Variants in RPAP3 observed in about 807,000 individuals in gnomAD.
The protein encoded by RPAP3 is RNA polymerase II-associated protein 3.
Under a neutral mutation model 88.8 loss-of-function variants are expected in RPAP3, and 58 were observed. The observed-to-expected ratio is 0.65, with a 90% CI of 0.53 to 0.81. The LOEUF (loss-of-function observed/expected upper bound fraction) is 0.81. RPAP3 is among the 40% of genes least tolerant of loss of function. RPAP3 has a pLI of 0.00. For missense variants in RPAP3, 751 were observed against 764.3 expected (o/e 0.98, Z 0.20); for synonymous variants, 255 against 259.9 (o/e 0.98, Z 0.18).
At chr12:47,672,316 C>G (rs886864931) in intron 12 of RPAP3, among the ~76,000 whole-genome samples, 2 of 152,180 alleles carry the variant, frequency 1.3e-5, no homozygotes, top group Non-Finnish European at 2.9e-5. Context: ...GAGACTCATT[C>G]TCTTCTCTAC....
At chr12:47,700,437 T>C (rs1939634141) in intron 3 of RPAP3, among the ~76,000 whole-genome samples, 1 of 152,218 alleles carries the variant, frequency 6.6e-6, no homozygotes, top group Admixed American at 6.5e-5. Context: ...CATCTCTACA[T>C]ATTCTTTGGT....
intron 16 of RPAP3, among the ~76,000 whole-genome samples, chr12:47,666,644 G>C (rs1307805471): frequency 6.6e-6 from 1 of 152,100 alleles, no homozygotes; most frequent in Non-Finnish European, 1.5e-5. Context: ...CTATGGAGTT[G>C]GACTGCCTGG....
intron 12 of RPAP3, among the ~76,000 whole-genome samples, chr12:47,678,233 T>C: frequency 6.6e-6 from 1 of 152,146 alleles, no homozygotes; most frequent in Non-Finnish European, 1.5e-5. Context: ...CCTTACACCT[T>C]ATACAAAAAT....
chr12:47,696,131 G>T, intron 5 of RPAP3, 145 bp downstream of exon 5: 4 of 613,250 alleles, frequency 6.5e-6, no homozygotes, highest in Non-Finnish European at 9.9e-6. Flanking sequence ...CAATAAAAAG[G>T]AGTGAGCTAT....
chr12:47,698,234 T>C (rs1301951035), intron 3 of RPAP3, among the ~76,000 whole-genome samples: 1 of 152,126 alleles, frequency 6.6e-6, no homozygotes, highest in Non-Finnish European at 1.5e-5. Flanking sequence ...TTGAGGGAAC[T>C]GAAATGCAGA....
chr12:47,691,714 C>T (rs768768648), intron 5 of RPAP3, among the ~76,000 whole-genome samples: 13 of 152,120 alleles, frequency 8.5e-5, no homozygotes, highest in East Asian at 3.9e-4. Flanking sequence ...TGAGTAGGTG[C>T]GCTGTCAGTA....
chr12:47,663,353 T>C lies in RPAP3; in HGVS notation c.*152A>G. 1.9e-6 allele frequency: 1 copy of C among 539,448 alleles called. No homozygotes were observed. The highest frequency in any genetic ancestry group is 3.2e-6 in the Non-Finnish European group (1 of 309,852). 33.4% of individuals were successfully genotyped at this position (539,448 alleles called of 1,614,324 possible). A position where few individuals can be genotyped will look rare whatever the true frequency, so the allele number is the denominator to read the frequency against. ...TTCACTTGAATACAATTCTCACTAGTTAAATCACAATTCACCTTATAGTTA... is the reference window on the plus strand; with the variant it reads ...TTCACTTGAATACAATTCTCACTAGCTAAATCACAATTCACCTTATAGTTA... On this transcript the variant is annotated 3_prime_UTR_variant, in exon 17 of 17. Coordinates refer to ENST00000005386, the MANE Select transcript of RPAP3 (RefSeq NM_024604.3).
chr12:47,701,492 T>C lies in RPAP3; in HGVS notation c.266A>G (p.Asp89Gly). ...ATCAAGTTTTGCCCATGCCTCATAA[T>C]CATAAGATTTTATCCTGTTTTTTGT... ...ENTKNRIKSYDYEAWAKLDVD... is the reference protein window; with the variant it reads ...ENTKNRIKSYGYEAWAKLDVD... Residue 89 changes from aspartate (D) to glycine (G), a missense_variant, in exon 3 of 17, where the codon GAT becomes GGT. By Grantham distance (94) the Asp-to-Gly change is moderately conservative. Coordinates refer to ENST00000005386, the MANE Select transcript of RPAP3 (RefSeq NM_024604.3). 1 of 1,592,656 alleles carries C rather than the reference T, an allele frequency of 6.3e-7. No individual in the cohort carries two copies. Among genetic ancestry groups the C allele is most frequent in the African/African-American group, 1.4e-5 (1 of 73,982 alleles).
intron 16 of RPAP3, among the ~76,000 whole-genome samples, chr12:47,665,190 T>C (rs1475938966): frequency 6.6e-6 from 1 of 151,736 alleles, no homozygotes; most frequent in African/African-American, 2.4e-5. Flanking sequence ...CCTCCTGGAT[T>C]CAAGCGATTG....
intron 8 of RPAP3, among the ~76,000 whole-genome samples, chr12:47,687,108 G>T (rs1939342116): frequency 6.6e-6 from 1 of 152,010 alleles, no homozygotes; most frequent in South Asian, 2.1e-4. Flanking sequence ...TCTCTTTTCA[G>T]TACTAAAAAG....
intron 16 of RPAP3, chr12:47,664,706 G>A (rs780279050): frequency 2.6e-5 from 4 of 152,174 alleles, no homozygotes; most frequent in Admixed American, 6.5e-5. Flanking sequence ...CTGCATTCTC[G>A]GATACCTTGA....
chr12:47,690,848 G>C (rs1227224487), intron 5 of RPAP3, among the ~76,000 whole-genome samples: 1 of 152,166 alleles, frequency 6.6e-6, no homozygotes, highest in Admixed American at 6.5e-5. Context: ...ACCACCACAA[G>C]AAAGTAAATG....
Position 47,686,845 on chromosome 12 carries a change from T to G in RPAP3, c.927A>C (p.Ile309=). 6.2e-7 allele frequency: 1 copy of G among 1,606,934 alleles called. No homozygotes were observed. Among genetic ancestry groups the G allele is most frequent in the Non-Finnish European group, 8.5e-7 (1 of 1,175,574 alleles). The change falls in exon 9 of 17, where the codon ATA becomes ATC. Residue 309 remains isoleucine (I), a synonymous_variant. Transcript: ENST00000005386. ...ERAIECYTRG[I]AADGANALLP... Reference sequence around the variant, plus strand: ...GAAGGGCATTAGCACCATCTGCTGCTATCCCTCGAGTATAGCATTCAATTG... The same window carrying G: ...GAAGGGCATTAGCACCATCTGCTGCGATCCCTCGAGTATAGCATTCAATTG...
At position 47,697,698 on chromosome 12, in the gene RPAP3, C is replaced by A; in HGVS notation, c.316G>T (p.Asp106Tyr). ...GACTCATGGGTACTATCGTCTTTGTCAAGCTCATCAAGGATACGGTCCTAA... is the reference window on the plus strand; with the variant it reads ...GACTCATGGGTACTATCGTCTTTGTAAAGCTCATCAAGGATACGGTCCTAA... ...LDVDRILDEL[D>Y]KDDSTHESLS... The change falls in exon 4 of 17, where the codon GAC (aspartate) becomes TAC (tyrosine). Residue 106 changes from aspartate to tyrosine, a missense_variant. Asp to Tyr is a radical substitution (Grantham distance 160, BLOSUM62 -3). Coordinates refer to ENST00000005386, the MANE Select transcript of RPAP3 (RefSeq NM_024604.3). The A allele has an allele frequency of 6.2e-7, 1 of 1,603,350 alleles. No homozygotes were observed. The highest frequency in any genetic ancestry group is 1.7e-5 in the Admixed American group (1 of 57,970).
chr12:47,701,145 AC>A (rs1939646788), intron 3 of RPAP3: 1 of 178,212 alleles, frequency 5.6e-6, no homozygotes, highest in African/African-American at 2.4e-5. Flanking sequence ...GAAAGATGTA[AC>A]CACCAGAGGA....
chr12:47,669,349 T>A (rs1175682600), intron 13 of RPAP3, among the ~76,000 whole-genome samples: 1 of 152,188 alleles, frequency 6.6e-6, no homozygotes, highest in East Asian at 1.9e-4. Context: ...AGCTAACCTA[T>A]CCACCTTTTG....
intron 4 of RPAP3, among the ~76,000 whole-genome samples, chr12:47,697,363 G>C (rs1299418149): frequency 3.3e-5 from 5 of 152,120 alleles, no homozygotes; most frequent in African/African-American, 1.2e-4. Context: ...TTGCAGATGA[G>C]AAAACTGAAG....
intron 5 of RPAP3, among the ~76,000 whole-genome samples, chr12:47,693,677 C>A (rs1174773465): frequency 6.6e-6 from 1 of 152,148 alleles, no homozygotes; most frequent in African/African-American, 2.4e-5. Flanking sequence ...CTTGGTATTA[C>A]ATACAGGTCT....
At chr12:47,691,237 G>A (rs890467860) in intron 5 of RPAP3, among the ~76,000 whole-genome samples, 50 of 152,100 alleles carry the variant, frequency 3.3e-4, no homozygotes, top group African/African-American at 1.2e-3. Context: ...TTTCAAAAAC[G>A]TTCACGGCAC....
Sources: allele counts gnomAD v4.1 joint callset (sites outside exome capture counted in the v4.1 genomes callset), GRCh38; gene constraint gnomAD v4.1.1; transcripts MANE v1.5; gene names NCBI Gene and HGNC (gene_info 2026-07-23, HGNC 2026-07-21).